HLCS: variants seen among roughly 807,000 people sequenced by gnomAD.
The protein encoded by HLCS is biotin--protein ligase.
In HLCS, 53 loss-of-function variants were observed where a neutral mutation model predicts 75.0. That is an observed-to-expected ratio of 0.71 (90% CI 0.57 to 0.89). The LOEUF is 0.89. HLCS is among the 40% of genes least tolerant of loss of function. HLCS has a pLI of 0.00. For synonymous variants in HLCS, 431 were observed against 428.6 expected (o/e 1.01, Z -0.07); for missense variants, 966 against 1,074.0 (o/e 0.90, Z 1.41).
chr21:36,810,530 G>GA (rs2061481850), intron 6 of HLCS, among the ~76,000 whole-genome samples: 1 of 152,110 alleles, frequency 6.6e-6, no homozygotes, highest in African/African-American at 2.4e-5. Flanking sequence ...TTGTCCCAAC[G>GA]AGGTTCTCCC....
chr21:36,899,651 C>A (rs530744747), intron 5 of HLCS, among the ~76,000 whole-genome samples: 1 of 152,230 alleles, frequency 6.6e-6, no homozygotes, highest in Non-Finnish European at 1.5e-5. Context: ...ATTCAATTGA[C>A]CATACACTGG....
At chr21:36,846,224 T>C (rs2062793521) in intron 6 of HLCS, among the ~76,000 whole-genome samples, 1 of 152,196 alleles carries the variant, frequency 6.6e-6, no homozygotes, top group Non-Finnish European at 1.5e-5. Flanking sequence ...TGGTACATAG[T>C]AGGCACATAA....
chr21:36,980,132 G>A (rs2409871), intron 1 of HLCS, among the ~76,000 whole-genome samples: 55,022 of 147,920 alleles, frequency 0.37, 10,361 homozygotes, highest in East Asian at 0.5. Context: ...AGGCTGCAGT[G>A]AGCTGCGATC....
chr21:36,920,956 T>C (rs747265285), intron 5 of HLCS, among the ~76,000 whole-genome samples: 5 of 151,982 alleles, frequency 3.3e-5, no homozygotes, highest in Non-Finnish European at 4.4e-5. Flanking sequence ...GAAACTACTG[T>C]TTGATGTTTC....
At chr21:36,795,112 G>A (rs765378166) in intron 6 of HLCS, among the ~76,000 whole-genome samples, 3 of 152,154 alleles carry the variant, frequency 2.0e-5, no homozygotes, top group Non-Finnish European at 2.9e-5. Context: ...GGGCTGGAGA[G>A]GGGAAGACGT....
At chr21:36,928,006 T>C (rs1260073945) in intron 5 of HLCS, among the ~76,000 whole-genome samples, 4 of 152,010 alleles carry the variant, frequency 2.6e-5, no homozygotes, top group African/African-American at 9.7e-5. Context: ...TAAGTAGGGA[T>C]GCCAGAAAGA....
chr21:36,920,127 A>G (rs1368900170), intron 5 of HLCS, among the ~76,000 whole-genome samples: 1 of 152,162 alleles, frequency 6.6e-6, no homozygotes, highest in African/African-American at 2.4e-5. Context: ...GAGCCCAGAA[A>G]TTTGAGACCA....
At chr21:36,760,104 C>A (rs989745706) in intron 8 of HLCS, among the ~76,000 whole-genome samples, 3 of 152,172 alleles carry the variant, frequency 2.0e-5, no homozygotes, top group African/African-American at 7.2e-5. Flanking sequence ...TCATCCAAAA[C>A]CCTTTCTGAA....
At chr21:36,755,257 C>T (rs550893944) in intron 10 of HLCS, among the ~76,000 whole-genome samples, 44 of 151,858 alleles carry the variant, frequency 2.9e-4, no homozygotes, top group African/African-American at 9.2e-4. Flanking sequence ...TTTAAATTAG[C>T]GGGCCGTGTG....
intron 6 of HLCS, among the ~76,000 whole-genome samples, chr21:36,886,198 G>A (rs992625376): frequency 6.6e-6 from 1 of 151,888 alleles, no homozygotes. Context: ...TTGGGAGGCC[G>A]AGACGGGCGG....
intron 2 of HLCS, among the ~76,000 whole-genome samples, chr21:36,956,850 A>G (rs1035771158): frequency 2.0e-5 from 3 of 152,090 alleles, no homozygotes; most frequent in Admixed American, 6.6e-5. Context: ...CAGGAGTTCA[A>G]GACCCACCCT....
intron 6 of HLCS, among the ~76,000 whole-genome samples, chr21:36,877,649 A>G (rs1292530463): frequency 6.6e-6 from 1 of 152,086 alleles, no homozygotes; most frequent in Non-Finnish European, 1.5e-5. Context: ...TTGGGGGAGT[A>G]TTTTAAATTT....
chr21:36,806,404 C>T (rs993906592), intron 6 of HLCS: 9 of 152,072 alleles, frequency 5.9e-5, no homozygotes, highest in Non-Finnish European at 1.0e-4. Context: ...AGTCCCTGCT[C>T]TGGACTCTAG....
At chr21:36,851,421 C>T (rs1051244439) in intron 6 of HLCS, among the ~76,000 whole-genome samples, 2 of 152,088 alleles carry the variant, frequency 1.3e-5, no homozygotes, top group Non-Finnish European at 2.9e-5. Flanking sequence ...GTGAAATAAG[C>T]CAGACATCGA....
intron 6 of HLCS, among the ~76,000 whole-genome samples, chr21:36,823,332 A>G (rs773422496): frequency 3.4e-4 from 52 of 152,160 alleles, no homozygotes; most frequent in African/African-American, 1.1e-3. Flanking sequence ...CCGACACACC[A>G]TCTTCTTTCC....
intron 6 of HLCS, among the ~76,000 whole-genome samples, chr21:36,778,260 T>C (rs771169711): frequency 3.9e-5 from 6 of 152,024 alleles, no homozygotes; most frequent in Non-Finnish European, 8.8e-5. Context: ...TGAGCCACTG[T>C]GCCTGGCTGC....
Position 36,911,595 on chromosome 21 carries a change from A to G in HLCS, c.1621-14464T>C, listed in dbSNP as rs187416820. On this transcript the variant is annotated intron_variant, in intron 5 of 10. Transcript: ENST00000674895. Reference sequence around the variant, plus strand: ...CCGTATCTACTAAAAATACAAAAAAAAAAATTAACCGGGTGTTGTGGCAGG... The same window carrying G: ...CCGTATCTACTAAAAATACAAAAAAGAAAATTAACCGGGTGTTGTGGCAGG... Among the ~76,000 whole-genome samples the G allele has an allele frequency of 3.6e-4, 54 of 151,936 alleles. No homozygotes were observed. The East Asian group carries it at 0.01, about 28-fold the overall frequency.
At chr21:36,911,927 C>G (rs553559961) in intron 5 of HLCS, among the ~76,000 whole-genome samples, 1 of 151,752 alleles carries the variant, frequency 6.6e-6, no homozygotes, top group Admixed American at 6.6e-5. Flanking sequence ...AAAAATTAGC[C>G]AGGCGTGGTG....
chr21:36,885,954 G>A (rs2064433507), intron 6 of HLCS, among the ~76,000 whole-genome samples: 1 of 152,118 alleles, frequency 6.6e-6, no homozygotes, highest in Non-Finnish European at 1.5e-5. Flanking sequence ...TCCAAACCAG[G>A]GCCAGCAGGA....
Sources: gnomAD v4.1 joint callset for allele counts (sites outside exome capture counted in the v4.1 genomes callset) on GRCh38, gnomAD v4.1.1 for gene constraint, MANE v1.5 for transcripts, NCBI Gene and HGNC (gene_info 2026-07-23, HGNC 2026-07-21) for gene names.